Variants in RNF217 observed in about 807,000 individuals in gnomAD.
The protein encoded by RNF217 is E3 ubiquitin-protein ligase RNF217.
RNF217 carries 31 observed loss-of-function variants against 57.8 expected under a neutral mutation model. That is an observed-to-expected ratio of 0.54 (90% CI 0.40 to 0.72). The LOEUF (loss-of-function observed/expected upper bound fraction) is 0.72, where lower values mean the gene tolerates loss of function less well. Ranked by LOEUF, RNF217 falls within the 30% of genes least tolerant of loss-of-function variation. The pLI is 0.00. For synonymous variants in RNF217, 313 were observed against 294.0 expected (o/e 1.06, Z -0.66); for missense variants, 696 against 708.3 (o/e 0.98, Z 0.20).
At chr6:125,070,171 A>G (rs545695515) in intron 3 of RNF217, among the ~76,000 whole-genome samples, 1 of 152,206 alleles carries the variant, frequency 6.6e-6, no homozygotes, top group Admixed American at 6.5e-5. Context: ...AAGTTTCTGC[A>G]AAAGACATTA....
At chr6:125,061,385 T>G (rs1787726937) in intron 3 of RNF217, among the ~76,000 whole-genome samples, 1 of 151,764 alleles carries the variant, frequency 6.6e-6, no homozygotes, top group African/African-American at 2.4e-5. Flanking sequence ...TTTCTTGTAT[T>G]TTATATTTTC....
intron 1 of RNF217, among the ~76,000 whole-genome samples, chr6:125,020,223 A>G (rs1170494678): frequency 6.6e-6 from 1 of 152,194 alleles, no homozygotes; most frequent in Non-Finnish European, 1.5e-5. Flanking sequence ...GTGTATTTCA[A>G]CAAACAAATA....
chr6:125,079,235 G>A (rs935545595), intron 4 of RNF217, among the ~76,000 whole-genome samples: 9 of 152,156 alleles, frequency 5.9e-5, no homozygotes, highest in East Asian at 1.9e-4. Flanking sequence ...CCAGTGAGGC[G>A]TGGGCAGATT....
At position 125,086,657 on chromosome 6, in the gene RNF217, G is replaced by A. The variant is rs962930615; in HGVS notation, c.*3720G>A. The A allele has an allele frequency of 2.6e-5, 4 of 151,982 alleles. No individual in the cohort carries two copies. The highest frequency in any genetic ancestry group is 9.7e-5 in the African/African-American group (4 of 41,402). 9.4% of individuals were successfully genotyped at this position (151,982 alleles called of 1,614,324 possible). On this transcript the variant is annotated 3_prime_UTR_variant, in exon 6 of 6. Transcript: ENST00000521654. ...TATATATGTGGAGTAAGAAGAGAGGGGTCAAACCTTTTGGTACAAGCAACA... is the reference window on the plus strand; with the variant it reads ...TATATATGTGGAGTAAGAAGAGAGGAGTCAAACCTTTTGGTACAAGCAACA...
At chr6:125,073,411 T>C (rs1375908897) in intron 3 of RNF217, among the ~76,000 whole-genome samples, 1 of 152,186 alleles carries the variant, frequency 6.6e-6, no homozygotes, top group Admixed American at 6.5e-5. Flanking sequence ...TCTTAGGCCT[T>C]GTATCTAATT....
At chr6:125,034,017 C>G (rs1018523233) in intron 1 of RNF217, among the ~76,000 whole-genome samples, 1 of 151,638 alleles carries the variant, frequency 6.6e-6, no homozygotes, top group Non-Finnish European at 1.5e-5. Context: ...CTGTTCATAT[C>G]CTTTGCCCAC....
chr6:124,994,513 A>G (rs1582683645), intron 1 of RNF217, among the ~76,000 whole-genome samples: 1 of 152,180 alleles, frequency 6.6e-6, no homozygotes, highest in Non-Finnish European at 1.5e-5. Context: ...AAGTGAAATA[A>G]CTAAGACTGT....
intron 1 of RNF217, among the ~76,000 whole-genome samples, chr6:124,987,453 T>C (rs756712017): frequency 1.2e-4 from 19 of 152,280 alleles, no homozygotes; most frequent in Admixed American, 9.8e-4. Context: ...TTGCTTTTCC[T>C]GGACATTTTA....
intron 1 of RNF217, among the ~76,000 whole-genome samples, chr6:124,990,216 A>C (rs1784510565): frequency 6.6e-6 from 1 of 152,062 alleles, no homozygotes; most frequent in African/African-American, 2.4e-5. Flanking sequence ...TCTCCTTCTG[A>C]ATTACTTCTT....
chr6:124,969,897 C>T (rs569825253), intron 1 of RNF217, among the ~76,000 whole-genome samples: 1 of 151,194 alleles, frequency 6.6e-6, no homozygotes, highest in South Asian at 2.1e-4. Context: ...ATATGTTTTA[C>T]GAAGGGATTT....
At chr6:125,054,594 T>G (rs769677319) in intron 2 of RNF217, among the ~76,000 whole-genome samples, 5 of 152,196 alleles carry the variant, frequency 3.3e-5, no homozygotes, top group African/African-American at 1.2e-4. Context: ...CATTCAACAA[T>G]GAGCACCCAT....
intron 1 of RNF217, among the ~76,000 whole-genome samples, chr6:124,979,688 A>T (rs775818319): frequency 3.9e-5 from 6 of 152,202 alleles, no homozygotes; most frequent in Non-Finnish European, 1.5e-5. Context: ...CCTCCATGGA[A>T]ATTATACTTT....
chr6:125,048,660 T>C (rs1787188574), intron 2 of RNF217, among the ~76,000 whole-genome samples: 1 of 152,082 alleles, frequency 6.6e-6, no homozygotes, highest in African/African-American at 2.4e-5. Flanking sequence ...GAGTAAGTGC[T>C]TCTCACATGA....
At chr6:125,078,047 G>A (rs1231007462) in intron 4 of RNF217, among the ~76,000 whole-genome samples, 2 of 152,182 alleles carry the variant, frequency 1.3e-5, no homozygotes. Context: ...TATTCTTCCT[G>A]AGGTTAATGG....
chr6:124,994,396 G>A (rs913593971), intron 1 of RNF217, among the ~76,000 whole-genome samples: 12 of 151,998 alleles, frequency 7.9e-5, no homozygotes, highest in South Asian at 4.1e-4. Context: ...TCTTTTGAAC[G>A]GAGACATAAT....
intron 1 of RNF217, among the ~76,000 whole-genome samples, chr6:124,986,221 C>G (rs950551752): frequency 1.3e-5 from 2 of 152,146 alleles, no homozygotes; most frequent in Non-Finnish European, 2.9e-5. Flanking sequence ...TGTAACTTTT[C>G]CTATTTACAA....
chr6:125,080,515 C>CAAAGTTTA (rs1788534615), intron 4 of RNF217, among the ~76,000 whole-genome samples: 1 of 152,006 alleles, frequency 6.6e-6, no homozygotes, highest in Non-Finnish European at 1.5e-5. Context: ...CCTTAAATTG[C>CAAAGTTTA]CTTGTGAGTC....
intron 3 of RNF217, among the ~76,000 whole-genome samples, chr6:125,068,325 C>A (rs574235033): frequency 6.6e-6 from 1 of 152,278 alleles, no homozygotes; most frequent in South Asian, 2.1e-4. Context: ...ATTTAGAATT[C>A]TCTCCCTACC....
chr6:125,024,539 A>T (rs1350952119), intron 1 of RNF217, among the ~76,000 whole-genome samples: 1 of 151,926 alleles, frequency 6.6e-6, no homozygotes, highest in East Asian at 1.9e-4. Context: ...GCAACACAGT[A>T]AAATCCTGTC....
Sources: allele counts gnomAD v4.1 joint callset (sites outside exome capture counted in the v4.1 genomes callset), GRCh38; gene constraint gnomAD v4.1.1; transcripts MANE v1.5; gene names NCBI Gene and HGNC (gene_info 2026-07-23, HGNC 2026-07-21).